Variants in STX7 observed in about 807,000 individuals in gnomAD.
STX7 encodes syntaxin 7.
In STX7, 34 loss-of-function variants were observed where a neutral mutation model predicts 39.6. That is an observed-to-expected ratio of 0.86 (90% CI 0.65 to 1.14). The LOEUF is 1.14. Among genes scored for constraint, STX7 ranks in the 50% most tolerant of loss-of-function variants. The pLI is 0.00. For synonymous variants in STX7, 119 were observed against 99.1 expected (o/e 1.20, Z -1.19); for missense variants, 284 against 310.4 (o/e 0.92, Z 0.64).
chr6:132,503,305 A>T (rs978620036), intron 2 of STX7, 141 bp downstream of exon 2: 36 of 614,620 alleles, frequency 5.9e-5, no homozygotes, highest in Middle Eastern at 3.4e-4. Context: ...ATTCATTCTA[A>T]AGAGTTCGAG....
intron 8 of STX7, among the ~76,000 whole-genome samples, chr6:132,467,719 A>T (rs1214269454): frequency 2.0e-5 from 3 of 152,216 alleles, no homozygotes; most frequent in African/African-American, 7.2e-5. Context: ...AAAGGTGCAA[A>T]TATTTCAGTT....
intron 2 of STX7, among the ~76,000 whole-genome samples, chr6:132,496,737 A>G (rs1186503647): frequency 6.6e-6 from 1 of 152,202 alleles, no homozygotes; most frequent in Non-Finnish European, 1.5e-5. Context: ...GGAAGGTTCG[A>G]GAGCTTACTC....
intron 3 of STX7, among the ~76,000 whole-genome samples, chr6:132,473,999 G>A (rs1246044491): frequency 6.6e-6 from 1 of 151,608 alleles, no homozygotes; most frequent in Non-Finnish European, 1.5e-5. Context: ...GGAGGGTGAG[G>A]TGGGTGGACT....
upstream of STX7, chr6:132,513,326 G>A (rs1233936731): frequency 6.6e-6 from 1 of 152,276 alleles, no homozygotes; most frequent in Non-Finnish European, 1.5e-5. Flanking sequence ...CAGAATGGAG[G>A]ACAGTTGTCT....
chr6:132,466,317 G>T (rs1212444507), intron 8 of STX7, among the ~76,000 whole-genome samples: 7 of 152,082 alleles, frequency 4.6e-5, no homozygotes, highest in Non-Finnish European at 7.4e-5. Flanking sequence ...GCATTCATTT[G>T]GATTTCCTCC....
upstream of STX7, among the ~76,000 whole-genome samples, chr6:132,513,402 G>A (rs1442012067): frequency 6.6e-6 from 1 of 152,236 alleles, no homozygotes; most frequent in East Asian, 1.9e-4. Context: ...GCTCTTGCCT[G>A]TCTTGTTTGC....
intron 1 of STX7, among the ~76,000 whole-genome samples, chr6:132,511,050 C>T (rs1337113556): frequency 6.6e-6 from 1 of 152,150 alleles, no homozygotes; most frequent in African/African-American, 2.4e-5. Flanking sequence ...ACCCTCTACC[C>T]CAAGTAAGTT....
intron 3 of STX7, among the ~76,000 whole-genome samples, chr6:132,474,123 TAGGCTG>T (rs1350481740): frequency 1.4e-5 from 2 of 147,840 alleles, no homozygotes; most frequent in Non-Finnish European, 3.0e-5. Flanking sequence ...AGCTACACAG[TAGGCTG>T]AGGTGGGAGA....
At chr6:132,470,668 A>G in intron 5 of STX7, 42 bp from the exon 6 acceptor site, 1 of 1,471,248 alleles carries the variant, frequency 6.8e-7, no homozygotes, top group African/African-American at 1.4e-5. Context: ...AGGGGCAAAA[A>G]AAGCAAAAAT....
chr6:132,506,969 C>A lies in STX7; in HGVS notation c.-58-3381G>T, dbSNP rs1017104218. On this transcript the variant is annotated intron_variant, in intron 1 of 9. Transcript: ENST00000367941. ...TATATAAATGCAATGGAATACTATT[C>A]AACCTTAAAAAAGACTGAAGTTATG... Among the ~76,000 whole-genome samples, 112 of 152,210 alleles carry A rather than the reference C, an allele frequency of 7.4e-4. 1 individual carries two copies. The highest frequency in any genetic ancestry group is 2.6e-3 in the African/African-American group (106 of 41,538).
At chr6:132,497,063 T>C (rs1415403927) in intron 2 of STX7, among the ~76,000 whole-genome samples, 3 of 152,124 alleles carry the variant, frequency 2.0e-5, no homozygotes, top group East Asian at 1.9e-4. Flanking sequence ...AACATAAACA[T>C]ATCCTATGAG....
chr6:132,465,325 C>T (rs540065077), intron 8 of STX7, among the ~76,000 whole-genome samples: 14 of 149,776 alleles, frequency 9.3e-5, no homozygotes, highest in African/African-American at 2.7e-4. Flanking sequence ...AATTCCCTGG[C>T]TCCAACAATT....
rs186619203 is a variant in STX7 at position 132,461,885 on chromosome 6, A to G, written c.694-1035T>C. ...TCTTACAAAGTAGAAAAATTTGTAA[A>G]TTTACTTTGTGTCAAGTAGAAGTAC... On this transcript the variant is annotated intron_variant, in intron 9 of 9. Transcript: ENST00000367941. The G allele has an allele frequency of 3.7e-5, 56 of 1,534,002 alleles. 1 individual carries two copies. The East Asian group carries it at 1.4e-3, about 37-fold the overall frequency.
intron 2 of STX7, among the ~76,000 whole-genome samples, chr6:132,494,345 T>A (rs1775370732): frequency 6.6e-6 from 1 of 152,068 alleles, no homozygotes. Context: ...GAGCCCTTTA[T>A]CTCTGGGGGC....
At position 132,460,722 on chromosome 6, in the gene STX7, A is replaced by G. The variant is rs771482958; in HGVS notation, c.*36T>C. 7.0e-7 allele frequency: 1 copy of G among 1,423,936 alleles called. No homozygotes were observed. The highest frequency in any genetic ancestry group is 9.8e-7 in the Non-Finnish European group (1 of 1,019,286). 88.2% of individuals were successfully genotyped at this position (1,423,936 alleles called of 1,614,324 possible). A position where few individuals can be genotyped will look rare whatever the true frequency, so the allele number is the denominator to read the frequency against. On this transcript the variant is annotated 3_prime_UTR_variant, in exon 10 of 10. Transcript: ENST00000367941. ...TTACAGGAATCTTCCTACATAATTT[A>G]GACAATGTAGTGCGACAGTGTGCTC...
intron 2 of STX7, among the ~76,000 whole-genome samples, chr6:132,480,576 T>C (rs1246920073): frequency 6.6e-6 from 1 of 152,176 alleles, no homozygotes; most frequent in Non-Finnish European, 1.5e-5. Context: ...TTGATTGAGG[T>C]AATTATTAAG....
chr6:132,461,785 GTTC>G, intron 9 of STX7: 1 of 1,486,986 alleles, frequency 6.7e-7, no homozygotes, highest in Non-Finnish European at 9.0e-7. Flanking sequence ...ATTTTGTTCC[GTTC>G]TTCATTCCTG....
At position 132,453,129 on chromosome 6, in the gene STX7, A is replaced by C. The variant is rs1173384965; in HGVS notation, c.*7629T>G. ...ACTGATTTTTGACAGAGGTGCAAAAACAATTCAATGGACAAAAAAGAGCCT... is the reference window on the plus strand; with the variant it reads ...ACTGATTTTTGACAGAGGTGCAAAACCAATTCAATGGACAAAAAAGAGCCT... On this transcript the variant is annotated 3_prime_UTR_variant, in exon 10 of 10. Coordinates refer to ENST00000367941, the MANE Select transcript of STX7 (RefSeq NM_003569.3). 2.0e-5 allele frequency: 3 copies of C among 152,146 alleles called. No individual in the cohort carries two copies. The highest frequency in any genetic ancestry group is 4.4e-5 in the Non-Finnish European group (3 of 67,982). 9.4% of individuals were successfully genotyped at this position (152,146 alleles called of 1,614,324 possible).
At chr6:132,472,478 G>T in intron 3 of STX7, 103 bp from the exon 4 acceptor site, 2 of 831,882 alleles carry the variant, frequency 2.4e-6, no homozygotes, top group Non-Finnish European at 3.5e-6. Context: ...TACAAAAATT[G>T]CCTTTTCATA....
Sources: gnomAD v4.1 joint callset for allele counts (sites outside exome capture counted in the v4.1 genomes callset) on GRCh38, gnomAD v4.1.1 for gene constraint, MANE v1.5 for transcripts, NCBI Gene and HGNC (gene_info 2026-07-23, HGNC 2026-07-21) for gene names.